Variants in CCKAR observed in about 807,000 individuals in gnomAD.
The protein encoded by CCKAR is cholecystokinin receptor type A.
Under a neutral mutation model 29.8 loss-of-function variants are expected in CCKAR, and 21 were observed. The observed-to-expected ratio is 0.70, with a 90% CI of 0.50 to 1.01. The LOEUF is 1.01. Among genes scored for constraint, CCKAR ranks in the 50% least tolerant of loss-of-function variants. The pLI is 0.00. For synonymous variants in CCKAR, 238 were observed against 221.3 expected (o/e 1.08, Z -0.67); for missense variants, 570 against 560.6 (o/e 1.02, Z -0.17).
At chr4:26,486,892 C>A (rs1319265372) in intron 2 of CCKAR, among the ~76,000 whole-genome samples, 1 of 152,014 alleles carries the variant, frequency 6.6e-6, no homozygotes, top group Non-Finnish European at 1.5e-5. Flanking sequence ...CCAGCCTGGG[C>A]GACAGAGCGG....
At chr4:26,482,920 A>C (rs1737380564) in intron 4 of CCKAR, among the ~76,000 whole-genome samples, 1 of 152,202 alleles carries the variant, frequency 6.6e-6, no homozygotes, top group South Asian at 2.1e-4. Context: ...TTATTGGGTT[A>C]TATGTGGGTT....
At position 26,481,459 on chromosome 4, in the gene CCKAR, C is replaced by G; in HGVS notation, c.*179G>C. 1 of 680,444 alleles carries G rather than the reference C, an allele frequency of 1.5e-6. No homozygotes were observed. The highest frequency in any genetic ancestry group is 2.5e-6 in the Non-Finnish European group (1 of 401,070). 42.2% of individuals were successfully genotyped at this position (680,444 alleles called of 1,614,324 possible). A position where few individuals can be genotyped will look rare whatever the true frequency, so the allele number is the denominator to read the frequency against. On this transcript the variant is annotated 3_prime_UTR_variant, in exon 5 of 5. Coordinates refer to ENST00000295589, the MANE Select transcript of CCKAR (RefSeq NM_000730.3). ...TGCCTAGAAACCAATCATGGCCCCA[C>G]TGGAGCAGTGCTCTGGAATCCAGAT...
Position 26,481,970 on chromosome 4 carries a change from C to T in CCKAR, c.955G>A (p.Val319Met), listed in dbSNP as rs1577705783. 3 of 1,614,248 alleles carry T rather than the reference C, an allele frequency of 1.9e-6. No homozygotes were observed. Among genetic ancestry groups the T allele is most frequent in the East Asian group, 2.2e-5 (1 of 44,886 alleles). The change falls in exon 5 of 5, where the codon GTG becomes ATG. Residue 319 changes from valine (V) to methionine (M), a missense_variant. By Grantham distance (21) the Val-to-Met change is conservative (BLOSUM62 1). Transcript: ENST00000295589. ...KRVIRMLIVI[V>M]VLFFLCWMPI... ...ATCCAGCACAGGAAGAAGAGGACCACGATGACGATGAGCATGCGGATCACC... is the reference window on the plus strand; with the variant it reads ...ATCCAGCACAGGAAGAAGAGGACCATGATGACGATGAGCATGCGGATCACC...
At position 26,481,724 on chromosome 4, in the gene CCKAR, C is replaced by T. The variant is rs1381541481; in HGVS notation, c.1201G>A (p.Gly401Arg). 1 of 1,614,216 alleles carries T rather than the reference C, an allele frequency of 6.2e-7. No homozygotes were observed. The highest frequency in any genetic ancestry group is 2.2e-5 in the East Asian group (1 of 44,874). ...PGPPGARGEV[G>R]EEEEGGTTGA... The stretch of plus-strand genomic sequence containing the variant: ...GTGGTCCCGCCTTCCTCCTCCTCCC[C>T]CACCTCTCCCCTCGCCCCTGGGGGA... Residue 401 changes from glycine (G) to arginine (R), a missense_variant, in exon 5 of 5, where the codon GGG (glycine) becomes AGG (arginine). Gly to Arg is a moderately radical substitution (Grantham distance 125). Transcript: ENST00000295589.
Position 26,482,005 on chromosome 4 carries a change from G to A in CCKAR, c.920C>T (p.Ala307Val). 1 of 1,614,256 alleles carries A rather than the reference G, an allele frequency of 6.2e-7. No individual in the cohort carries two copies. The change falls in exon 5 of 5, where the codon GCC (alanine) becomes GTC (valine). Residue 307 changes from alanine (A) to valine (V), a missense_variant. By Grantham distance (64) the Ala-to-Val change is moderately conservative. Transcript: ENST00000295589. ...RSNSSAANLM[A>V]KKRVIRMLIV... is the part of the protein sequence containing the mutation. Reference sequence around the variant, plus strand: ...GAGCATGCGGATCACCCTTTTCTTGGCCATCAGGTTGGCTGCGGAGCTGTT... The same window carrying A: ...GAGCATGCGGATCACCCTTTTCTTGACCATCAGGTTGGCTGCGGAGCTGTT...
intron 3 of CCKAR, among the ~76,000 whole-genome samples, chr4:26,484,602 G>A (rs901101996): frequency 1.3e-5 from 2 of 152,202 alleles, no homozygotes; most frequent in Non-Finnish European, 2.9e-5. Flanking sequence ...TTTGCCTAAG[G>A]TGTGCAGTTA....
chr4:26,484,140 C>T (rs916748968), intron 3 of CCKAR, among the ~76,000 whole-genome samples: 8 of 152,292 alleles, frequency 5.3e-5, no homozygotes, highest in African/African-American at 1.7e-4. Context: ...ATGAGTCTGG[C>T]CCCTAAATCA....
At chr4:26,488,697 C>G (rs1043430830) in intron 2 of CCKAR, among the ~76,000 whole-genome samples, 2 of 152,142 alleles carry the variant, frequency 1.3e-5, no homozygotes, top group East Asian at 3.9e-4. Flanking sequence ...TTGGGGAGAA[C>G]AGGCTGGGAA....
At chr4:26,489,120 G>A in intron 2 of CCKAR, 113 bp downstream of exon 2, 1 of 1,336,642 alleles carries the variant, frequency 7.5e-7, no homozygotes, top group Non-Finnish European at 1.1e-6. Context: ...CTGATGTTCT[G>A]TGATTCAGCC....
chr4:26,488,913 C>T (rs1007513256), intron 2 of CCKAR, among the ~76,000 whole-genome samples: 9 of 152,298 alleles, frequency 5.9e-5, no homozygotes, highest in Admixed American at 5.2e-4. Flanking sequence ...TCACTTCTGA[C>T]TTCAAACAGA....
chr4:26,485,017 C>G (rs1338371729), intron 3 of CCKAR, among the ~76,000 whole-genome samples: 1 of 151,232 alleles, frequency 6.6e-6, no homozygotes, highest in Non-Finnish European at 1.5e-5. Flanking sequence ...CATGGAGAAA[C>G]CCCACCTCTA....
intron 3 of CCKAR, among the ~76,000 whole-genome samples, chr4:26,484,381 TACTC>T (rs1737405612): frequency 6.6e-6 from 1 of 152,228 alleles, no homozygotes. Context: ...TTGGGGCTGT[TACTC>T]AATGTCTAGT....
At chr4:26,482,662 T>G (rs1737373887) in intron 4 of CCKAR, among the ~76,000 whole-genome samples, 2 of 152,308 alleles carry the variant, frequency 1.3e-5, no homozygotes, top group Middle Eastern at 3.4e-3. Flanking sequence ...AGGTCAATTT[T>G]CATGGACAGT....
intron 3 of CCKAR, among the ~76,000 whole-genome samples, chr4:26,485,141 C>T (rs1012858776): frequency 2.7e-5 from 4 of 150,690 alleles, no homozygotes; most frequent in African/African-American, 9.8e-5. Flanking sequence ...TTGTGGTGAG[C>T]CGAGGTCACA....
chr4:26,482,701 G>A (rs2109877920), intron 4 of CCKAR, among the ~76,000 whole-genome samples: 1 of 152,274 alleles, frequency 6.6e-6, no homozygotes, highest in African/African-American at 2.4e-5. Context: ...AAGGAATGAG[G>A]CTTTGTGGCC....
chr4:26,485,215 A>G (rs908479510), intron 3 of CCKAR, among the ~76,000 whole-genome samples: 1 of 151,680 alleles, frequency 6.6e-6, no homozygotes, highest in African/African-American at 2.4e-5. Flanking sequence ...AAAAAGAAAG[A>G]AAAAGAAAGA....
rs1398124332 is a variant in CCKAR, at chr4:26,481,992, C to T, written c.933G>A (p.Val311=). 28 of 1,614,252 alleles carry T rather than the reference C, an allele frequency of 1.7e-5. No individual in the cohort carries two copies. The East Asian group carries it at 6.2e-4, about 36-fold the overall frequency. The change falls in exon 5 of 5, where the codon GTG becomes GTA. Residue 311 remains valine, a synonymous_variant. Coordinates refer to ENST00000295589, the MANE Select transcript of CCKAR (RefSeq NM_000730.3). ...SAANLMAKKR[V]IRMLIVIVVL... The stretch of plus-strand genomic sequence containing the variant: ...CCACGATGACGATGAGCATGCGGAT[C>T]ACCCTTTTCTTGGCCATCAGGTTGG...
In CCKAR at chr4:26,489,312, C is replaced by T. The variant is rs1737507695; in HGVS notation, c.285G>A (p.Met95Ile). The T allele has an allele frequency of 6.2e-7, 1 of 1,614,152 alleles. No individual in the cohort carries two copies. The highest frequency in any genetic ancestry group is 8.5e-7 in the Non-Finnish European group (1 of 1,180,020). The change falls in exon 2 of 5, where the codon ATG (methionine) becomes ATA (isoleucine). Residue 95 changes from methionine (M) to isoleucine (I), a missense_variant. Physicochemically the swap from Met to Ile is conservative, Grantham distance 10. Coordinates refer to ENST00000295589, the MANE Select transcript of CCKAR (RefSeq NM_000730.3). ...VSDLMLCLFC[M>I]PFNLIPNLLK... The stretch of plus-strand genomic sequence containing the variant: ...GCAGATTGGGGATGAGGTTGAACGG[C>T]ATGCAGAAGAGACAGAGCATGAGGT...
At position 26,485,795 on chromosome 4, in the gene CCKAR, G is replaced by T; in HGVS notation, c.468C>A (p.Ser156=). The change falls in exon 3 of 5, where the codon TCC becomes TCA. Residue 156 remains serine (S), a synonymous_variant. Transcript: ENST00000295589. ...PLQSRVWQTK[S]HALKVIAATW... ...TAGCAGCAATCACCTTCAAAGCATG[G>T]GATTTTGTCTGCCAGACCCGGGACT... 6.2e-7 allele frequency: 1 copy of T among 1,614,056 alleles called. No individual in the cohort carries two copies.
Sources: allele counts gnomAD v4.1 joint callset (sites outside exome capture counted in the v4.1 genomes callset), GRCh38; gene constraint gnomAD v4.1.1; transcripts MANE v1.5; gene names NCBI Gene and HGNC (gene_info 2026-07-23, HGNC 2026-07-21).